Variants in CDH23 observed in about 807,000 individuals in gnomAD.
CDH23 encodes cadherin-23.
Under a neutral mutation model 317.1 loss-of-function variants are expected in CDH23, and 189 were observed. The observed-to-expected ratio is 0.60, with a 90% CI of 0.53 to 0.67. CDH23 has a LOEUF of 0.67. Ranked by LOEUF, CDH23 falls within the 30% of genes least tolerant of loss-of-function variation. The pLI is 0.00. For missense variants in CDH23, 4,401 were observed against 4,592.4 expected (o/e 0.96, Z 1.20); for synonymous variants, 1,839 against 1,876.8 (o/e 0.98, Z 0.52).
chr10:71,770,030 C>T (rs1220189518), intron 38 of CDH23, among the ~76,000 whole-genome samples: 1 of 152,216 alleles, frequency 6.6e-6, no homozygotes, highest in African/African-American at 2.4e-5. Flanking sequence ...CAGGGGCTCA[C>T]AGGTAGCTGG....
In CDH23 at chr10:71,740,993, G is replaced by T. The variant is rs373543413; in HGVS notation, c.4617+43G>T. 4 of 1,611,490 alleles carry T rather than the reference G, an allele frequency of 2.5e-6. No individual in the cohort carries two copies. In the South Asian group the frequency reaches 3.3e-5, roughly 13 times the overall value. ...GCCCATATAGCTGGACATACGGGGG[G>T]ACCGTGGGCACGAGCCAACCATGCA... On this transcript the variant is annotated intron_variant, in intron 37 of 69. Coordinates refer to ENST00000224721, the MANE Select transcript of CDH23 (RefSeq NM_022124.6).
At chr10:71,684,452 A>AGTGGAAAGAGGGGTGTGGCT (rs1240077073) in intron 18 of CDH23, among the ~76,000 whole-genome samples, 1 of 151,502 alleles carries the variant, frequency 6.6e-6, no homozygotes, top group African/African-American at 2.4e-5. Context: ...GGAGACACCA[A>AGTGGAAAGAGGGGTGTGGCT]GTGGAAAGAG....
At chr10:71,463,567 G>A (rs895438417) in intron 3 of CDH23, among the ~76,000 whole-genome samples, 3 of 152,136 alleles carry the variant, frequency 2.0e-5, no homozygotes, top group Non-Finnish European at 4.4e-5. Context: ...TGCTCAGCAG[G>A]GATCGCTGAA....
rs1449268943 is a variant in CDH23, at chr10:71,677,674, C to G, written c.1733C>G (p.Thr578Arg). The G allele has an allele frequency of 6.4e-7, 1 of 1,566,198 alleles. No homozygotes were observed. The change falls in exon 16 of 70, where the codon ACA becomes AGA. Residue 578 changes from threonine (T) to arginine (R), a missense_variant. This residue lies in a region of CDH23 where 3,068 missense variants were observed against 3,203.3 expected (regional missense o/e 0.96). Transcript: ENST00000224721. ...CTGCGGGAGAACGAGCCTTCTGTCA[C>G]ACAGCTGGTGCGGCTCCGGGTAAGG... is the stretch of plus-strand genomic sequence containing the variant. ...GALRENEPSV[T>R]QLVRLRATDE...
chr10:71,526,948 C>G (rs561681185), intron 6 of CDH23, among the ~76,000 whole-genome samples: 29 of 152,180 alleles, frequency 1.9e-4, no homozygotes, highest in Non-Finnish European at 4.0e-4. Context: ...GTGTTTATGT[C>G]TCGAGTGTCG....
intron 6 of CDH23, among the ~76,000 whole-genome samples, chr10:71,541,351 T>C (rs1337597705): frequency 6.6e-6 from 1 of 152,034 alleles, no homozygotes; most frequent in African/African-American, 2.4e-5. Context: ...GACAACACAC[T>C]CAAGCCTCAG....
intron 9 of CDH23, among the ~76,000 whole-genome samples, chr10:71,603,419 C>T (rs1860343726): frequency 6.6e-6 from 1 of 151,818 alleles, no homozygotes; most frequent in African/African-American, 2.4e-5. Flanking sequence ...TGCCAAGCCT[C>T]GGGTGAGTTA....
chr10:71,601,605 C>CAGGGCCTGAATTCAGGAATT (rs1860220037), intron 9 of CDH23, among the ~76,000 whole-genome samples: 2 of 152,136 alleles, frequency 1.3e-5, no homozygotes, highest in Non-Finnish European at 2.9e-5. Context: ...CTGGGAATCT[C>CAGGGCCTGAATTCAGGAATT]CAGATTCCCT....
chr10:71,581,428 C>A (rs1858623744), intron 9 of CDH23, among the ~76,000 whole-genome samples: 1 of 152,294 alleles, frequency 6.6e-6, no homozygotes, highest in Admixed American at 6.5e-5. Flanking sequence ...TGGAGACAGG[C>A]CTGAGCCCAC....
At chr10:71,727,253 T>G (rs1347698393) in intron 30 of CDH23, among the ~76,000 whole-genome samples, 3 of 152,208 alleles carry the variant, frequency 2.0e-5, no homozygotes, top group African/African-American at 7.2e-5. Context: ...GAGCCAGGCT[T>G]CATGCCTTGG....
At chr10:71,699,484 A>G (rs1017147167) in intron 22 of CDH23, among the ~76,000 whole-genome samples, 28 of 152,244 alleles carry the variant, frequency 1.8e-4, no homozygotes, top group Non-Finnish European at 2.9e-5. Flanking sequence ...GTGCATCTGC[A>G]TGCACTGGGT....
Position 71,590,874 on chromosome 10 carries a change from AAAAAAAAAAAAAC to A in CDH23, c.832+12892_832+12904del, listed in dbSNP as rs1422992915. ...GGCAACAGAGTGAGACCCTGTCTCT[AAAAAAAAAAAAAC>A]AAAAAAAAACAAAAAAAAACACCAG... On this transcript the variant is annotated intron_variant, in intron 9 of 69. Coordinates refer to ENST00000224721, the MANE Select transcript of CDH23 (RefSeq NM_022124.6). Among the ~76,000 whole-genome samples the A allele has an allele frequency of 3.6e-3, 241 of 67,330 alleles. 5 individuals carry two copies. Among genetic ancestry groups the A allele is most frequent in the Non-Finnish European group, 5.7e-3 (193 of 33,880 alleles). The allele number at this position is 67,330 out of a possible 152,430, so 44.2% of individuals were successfully genotyped here.
intron 9 of CDH23, among the ~76,000 whole-genome samples, chr10:71,584,477 G>A (rs1858892225): frequency 6.6e-6 from 1 of 151,716 alleles, no homozygotes; most frequent in South Asian, 2.1e-4. Context: ...AAGTGAGGAG[G>A]TACATTGAGT....
At chr10:71,721,075 C>T (rs184379302) in intron 28 of CDH23, among the ~76,000 whole-genome samples, 314 of 152,356 alleles carry the variant, frequency 2.1e-3, no homozygotes, top group Non-Finnish European at 3.5e-3. Context: ...GCCCCCATTC[C>T]TCCTGAGATG....
At chr10:71,685,645 C>A (rs984970488) in intron 18 of CDH23, among the ~76,000 whole-genome samples, 5 of 152,214 alleles carry the variant, frequency 3.3e-5, no homozygotes, top group African/African-American at 1.2e-4. Context: ...TCAAAGCCAT[C>A]CCAGGGACAA....
intron 28 of CDH23, among the ~76,000 whole-genome samples, chr10:71,720,496 G>C (rs930530895): frequency 2.6e-5 from 4 of 151,560 alleles, no homozygotes; most frequent in Non-Finnish European, 5.9e-5. Flanking sequence ...GAGCTTCCCT[G>C]ACAACCAGCT....
chr10:71,774,725 C>T (rs1840778483), intron 38 of CDH23, among the ~76,000 whole-genome samples: 1 of 152,172 alleles, frequency 6.6e-6, no homozygotes, highest in East Asian at 1.9e-4. Flanking sequence ...CTCAGTTTAC[C>T]CCAGTCTAGC....
Position 71,702,153 on chromosome 10 carries a change from G to T in CDH23, c.2529G>T (p.Glu843Asp). The change falls in exon 23 of 70, where the codon GAG (glutamate) becomes GAT (aspartate). Residue 843 changes from glutamate (E) to aspartate (D), a missense_variant. Transcript: ENST00000224721. ...IRTTHAMLDR[E>D]NPDPHEAELM... Reference sequence around the variant, plus strand: ...CCACCCACGCCATGCTGGACCGGGAGAACCCCGACCCCCATGAGGCCGAGC... The same window carrying T: ...CCACCCACGCCATGCTGGACCGGGATAACCCCGACCCCCATGAGGCCGAGC... 1 of 1,613,946 alleles carries T rather than the reference G, an allele frequency of 6.2e-7. No homozygotes were observed. Among genetic ancestry groups the T allele is most frequent in the Non-Finnish European group, 8.5e-7 (1 of 1,179,884 alleles).
rs1273839730 is a variant in CDH23, at chr10:71,642,479, A to G, written c.1135-1382A>G. Among the ~76,000 whole-genome samples, 4 of 133,074 alleles carry G rather than the reference A, an allele frequency of 3.0e-5. No individual in the cohort carries two copies. In the South Asian group the frequency reaches 1.0e-3, roughly 34 times the overall value. The allele number at this position is 133,074 out of a possible 152,430, so 87.3% of individuals were successfully genotyped here. On this transcript the variant is annotated intron_variant, in intron 11 of 69. Transcript: ENST00000224721. ...AATGGCATGATCTCGTCTCACTCCA[A>G]CCTCCGCCTCCCGGCTTCAAGCAAT...
Sources: allele counts gnomAD v4.1 joint callset (sites outside exome capture counted in the v4.1 genomes callset), GRCh38; gene constraint gnomAD v4.1.1; regional missense constraint gnomAD v4.1.1; transcripts MANE v1.5; gene names NCBI Gene and HGNC (gene_info 2026-07-23, HGNC 2026-07-21).